USP50: variants seen among roughly 807,000 people sequenced by gnomAD.
USP50 encodes ubiquitin specific peptidase 50, also known as ubiquitin carboxyl-terminal hydrolase 50.
A neutral mutation model predicts 39.2 loss-of-function variants in USP50; 37 were observed. That is an observed-to-expected ratio of 0.94 (90% CI 0.73 to 1.24). The LOEUF is 1.24. Ranked by LOEUF, USP50 falls within the 50% of genes most tolerant of loss-of-function variation. The pLI, the probability that USP50 is intolerant of heterozygous loss-of-function variation, is 0.00. For missense variants in USP50, 374 were observed against 398.2 expected (o/e 0.94, Z 0.52); for synonymous variants, 139 against 144.5 (o/e 0.96, Z 0.27).
At chr15:50,532,891 A>G (rs2052951880) in intron 5 of USP50, among the ~76,000 whole-genome samples, 1 of 152,230 alleles carries the variant, frequency 6.6e-6, no homozygotes, top group Non-Finnish European at 1.5e-5. Context: ...AAAAAACTGC[A>G]TCTTCTAACA....
At chr15:50,525,201 A>G (rs1227994674) in intron 6 of USP50, among the ~76,000 whole-genome samples, 1 of 152,222 alleles carries the variant, frequency 6.6e-6, no homozygotes, top group Non-Finnish European at 1.5e-5. Flanking sequence ...GATTTCACTT[A>G]TATGTGGAAT....
chr15:50,532,484 C>A (rs980358580), intron 5 of USP50, among the ~76,000 whole-genome samples: 2 of 151,902 alleles, frequency 1.3e-5, no homozygotes, highest in Non-Finnish European at 2.9e-5. Flanking sequence ...AAGACCGAGA[C>A]CCACTCATAG....
chr15:50,544,930 GA>G, intron 1 of USP50, 149 bp from the exon 2 acceptor site: 1 of 813,356 alleles, frequency 1.2e-6, no homozygotes, highest in South Asian at 2.0e-5. Context: ...GGAAGTATTG[GA>G]ACTTGGAGTC....
rs57450027 is a variant in USP50, at chr15:50,523,175, C to CTTTTTTTTTTTTTT, written c.936+6608_936+6621dup. Among the ~76,000 whole-genome samples the CTTTTTTTTTTTTTT allele has an allele frequency of 1.4e-3, 144 of 104,196 alleles. 10 individuals carry two copies. Among genetic ancestry groups the CTTTTTTTTTTTTTT allele is most frequent in the African/African-American group, 1.7e-3 (47 of 26,976 alleles). 68.4% of individuals were successfully genotyped at this position (104,196 alleles called of 152,430 possible). On this transcript the variant is annotated intron_variant, in intron 6 of 6. Coordinates refer to ENST00000532404, the MANE Select transcript of USP50 (RefSeq NM_203494.5). ...AAAATCAACATATAAAAATCAGTAG[C>CTTTTTTTTTTTTTT]TTTTTTTTTTTTTTTTTTGGTGAGA...
chr15:50,527,406 A>G (rs12914881), intron 6 of USP50, among the ~76,000 whole-genome samples: 4 of 151,634 alleles, frequency 2.6e-5, no homozygotes, highest in African/African-American at 9.7e-5. Flanking sequence ...ATGGGGTTTC[A>G]CCATGTTGGT....
chr15:50,497,252 T>G (rs1429300289), downstream of USP50: 1 of 1,577,974 alleles, frequency 6.3e-7, no homozygotes, highest in Non-Finnish European at 8.6e-7. Context: ...AAGTTTGTCC[T>G]CCTGTTCAGT....
chr15:50,539,190 A>C (rs1469130873), intron 4 of USP50, among the ~76,000 whole-genome samples: 1 of 149,672 alleles, frequency 6.7e-6, no homozygotes, highest in Non-Finnish European at 1.5e-5. Flanking sequence ...GCTCACTGCA[A>C]CCTCCACCTC....
intron 2 of USP50, among the ~76,000 whole-genome samples, chr15:50,544,204 CA>C (rs1213644647): frequency 6.6e-6 from 1 of 150,852 alleles, no homozygotes; most frequent in Non-Finnish European, 1.5e-5. Context: ...TACAAAAATA[CA>C]AAAAAAATTA....
chr15:50,546,386 G>T, intron 1 of USP50, 87 bp downstream of exon 1: 2 of 1,415,090 alleles, frequency 1.4e-6, no homozygotes, highest in Non-Finnish European at 1.0e-6. Flanking sequence ...GAACCCTCCT[G>T]AATGCAGTGT....
At chr15:50,545,259 T>C (rs1044009980) in intron 1 of USP50, among the ~76,000 whole-genome samples, 2 of 152,018 alleles carry the variant, frequency 1.3e-5, no homozygotes, top group African/African-American at 4.8e-5. Context: ...ACAATAGCTA[T>C]CAGGTAGTGA....
chr15:50,520,019 A>C (rs2052836291), intron 6 of USP50, among the ~76,000 whole-genome samples: 1 of 152,052 alleles, frequency 6.6e-6, no homozygotes, highest in Admixed American at 6.6e-5. Context: ...CCAAGATACG[A>C]GCTGGCCATA....
chr15:50,502,793 C>G (rs2052610161), intron 6 of USP50: 1 of 152,438 alleles, frequency 6.6e-6, no homozygotes, highest in African/African-American at 2.4e-5. Flanking sequence ...CCACCATGTC[C>G]AGAATGAAAA....
chr15:50,498,390 A>T, downstream of USP50: 1 of 579,336 alleles, frequency 1.7e-6, no homozygotes, highest in Non-Finnish European at 2.8e-6. Flanking sequence ...TAGGCACATC[A>T]TTAAATATCC....
At position 50,534,120 on chromosome 15, in the gene USP50, A is replaced by G. The variant is rs112932252; in HGVS notation, c.804-4191T>C. ...AAGTGAAGGTAAAATGAAAACTTTT[A>G]TTTTTCTTATTATTAATAACAGTTT... On this transcript the variant is annotated intron_variant, in intron 5 of 6. Coordinates refer to ENST00000532404, the MANE Select transcript of USP50 (RefSeq NM_203494.5). Among the ~76,000 whole-genome samples the G allele has an allele frequency of 2.0e-3, 310 of 152,298 alleles. 2 individuals are homozygous for G. The highest frequency in any genetic ancestry group is 7.3e-3 in the African/African-American group (303 of 41,566).
downstream of USP50, chr15:50,498,285 T>C (rs543361781): frequency 4.2e-5 from 9 of 214,102 alleles, no homozygotes; most frequent in South Asian, 1.2e-3. Flanking sequence ...GTCAGCATTA[T>C]AAACATGTGG....
chr15:50,493,728 A>G, downstream of USP50: 1 of 383,808 alleles, frequency 2.6e-6, no homozygotes, highest in South Asian at 2.0e-5. Context: ...AGCCTGGGTG[A>G]CAGAATGAGA....
chr15:50,543,264 A>G (rs138083336), intron 3 of USP50, among the ~76,000 whole-genome samples: 14 of 151,922 alleles, frequency 9.2e-5, no homozygotes, highest in African/African-American at 3.4e-4. Flanking sequence ...TTCAGCCTCT[A>G]TTTACAAAGA....
Position 50,541,246 on chromosome 15 carries a change from T to C in USP50, c.463A>G (p.Arg155Gly). The change falls in exon 4 of 7, where the codon AGA becomes GGA. Residue 155 changes from arginine (R) to glycine (G), a missense_variant. Coordinates refer to ENST00000532404, the MANE Select transcript of USP50 (RefSeq NM_203494.5). Reference sequence around the variant, plus strand: ...TGAGTAGATCCTTTCTCATATGATCTTCTCCGGGAGTAGTGGTACTGAATC... The same window carrying C: ...TGAGTAGATCCTTTCTCATATGATCCTCTCCGGGAGTAGTGGTACTGAATC... ...ALKKYHYSRR[R>G]SYEKGSTQRC... 2.5e-6 allele frequency: 4 copies of C among 1,613,764 alleles called. No individual in the cohort carries two copies. The highest frequency in any genetic ancestry group is 3.4e-6 in the Non-Finnish European group (4 of 1,179,840).
chr15:50,540,134 T>C (rs1434525074), intron 4 of USP50, among the ~76,000 whole-genome samples: 1 of 152,196 alleles, frequency 6.6e-6, no homozygotes, highest in African/African-American at 2.4e-5. Context: ...TAAATTTGCA[T>C]AATTCTGCAA....
Sources: gnomAD v4.1 joint callset for allele counts (sites outside exome capture counted in the v4.1 genomes callset) on GRCh38, gnomAD v4.1.1 for gene constraint, MANE v1.5 for transcripts, NCBI Gene and HGNC (gene_info 2026-07-23, HGNC 2026-07-21) for gene names.